Variants in LRRTM4 observed in about 807,000 individuals in gnomAD.
LRRTM4 encodes the protein leucine-rich repeat transmembrane neuronal protein 4.
A neutral mutation model predicts 47.6 loss-of-function variants in LRRTM4; 25 were observed. The observed-to-expected ratio is 0.53, with a 90% CI of 0.38 to 0.73. LRRTM4 has a LOEUF of 0.73. Ranked by LOEUF, LRRTM4 falls within the 30% of genes least tolerant of loss-of-function variation. The probability of loss-of-function intolerance (pLI) is 0.00; values close to 1 mark genes in which losing one functional copy is unlikely to be tolerated. For missense variants in LRRTM4, 638 were observed against 713.4 expected (o/e 0.89, Z 1.20); for synonymous variants, 311 against 269.5 (o/e 1.15, Z -1.51).
At position 76,942,157 on chromosome 2, in the gene LRRTM4, GT is replaced by G. The variant is rs575221976; in HGVS notation, c.1552-193242del. Among the ~76,000 whole-genome samples the G allele has an allele frequency of 4.4e-4, 66 of 150,914 alleles. No individual in the cohort carries two copies. The Middle Eastern group carries it at 0.014, about 31-fold the overall frequency. On this transcript the variant is annotated intron_variant, in intron 3 of 3. Coordinates refer to ENST00000409884, the MANE Select transcript of LRRTM4 (RefSeq NM_001134745.3). Reference sequence around the variant, plus strand: ...TATCCTTTGCCCACTTTTTGGTGGTGTTTTTTTTTCTTGTAAATTTGTTTAA... The same window carrying G: ...TATCCTTTGCCCACTTTTTGGTGGTGTTTTTTTTCTTGTAAATTTGTTTAA...
intron 3 of LRRTM4, among the ~76,000 whole-genome samples, chr2:76,945,656 C>CA (rs1429611745): frequency 6.6e-6 from 1 of 151,388 alleles, no homozygotes; most frequent in Admixed American, 6.6e-5. Context: ...AATTCAAGAA[C>CA]AAAAAGAAAA....
At chr2:77,344,303 T>C (rs1330265330) in intron 3 of LRRTM4, among the ~76,000 whole-genome samples, 1 of 151,754 alleles carries the variant, frequency 6.6e-6, no homozygotes, top group Non-Finnish European at 1.5e-5. Flanking sequence ...TAAACAGCCA[T>C]TACAATGATG....
intron 3 of LRRTM4, among the ~76,000 whole-genome samples, chr2:77,326,736 C>T (rs1402231071): frequency 6.6e-6 from 1 of 152,166 alleles, no homozygotes; most frequent in Non-Finnish European, 1.5e-5. Context: ...TTACTCCTCT[C>T]ATCATCTCTA....
At chr2:77,209,440 CAAAA>C (rs1674231909) in intron 3 of LRRTM4, among the ~76,000 whole-genome samples, 1 of 147,504 alleles carries the variant, frequency 6.8e-6, no homozygotes, top group Admixed American at 6.7e-5. Context: ...AAAAAAAAAA[CAAAA>C]AACCAACCAA....
intron 3 of LRRTM4, among the ~76,000 whole-genome samples, chr2:77,232,117 C>T (rs1674981363): frequency 1.3e-5 from 2 of 152,100 alleles, no homozygotes; most frequent in Non-Finnish European, 2.9e-5. Flanking sequence ...TCCAGGAGGG[C>T]ACACATTGGG....
intron 3 of LRRTM4, among the ~76,000 whole-genome samples, chr2:76,980,137 C>T (rs1433455099): frequency 6.6e-6 from 1 of 152,046 alleles, no homozygotes; most frequent in Non-Finnish European, 1.5e-5. Context: ...CCATGTTCTT[C>T]TGTGCAGATG....
At chr2:76,844,422 A>G (rs1331229241) in intron 3 of LRRTM4, among the ~76,000 whole-genome samples, 4 of 152,190 alleles carry the variant, frequency 2.6e-5, no homozygotes, top group Non-Finnish European at 5.9e-5. Context: ...GGTGTGAGCC[A>G]CCGTGCCTGG....
intron 3 of LRRTM4, among the ~76,000 whole-genome samples, chr2:77,068,819 T>C (rs951812864): frequency 3.9e-5 from 6 of 152,230 alleles, no homozygotes; most frequent in Admixed American, 6.5e-5. Flanking sequence ...AACATGTTCA[T>C]GATGGCCATA....
At chr2:77,474,386 A>G (rs1442129915) in intron 3 of LRRTM4, among the ~76,000 whole-genome samples, 1 of 151,972 alleles carries the variant, frequency 6.6e-6, no homozygotes, top group African/African-American at 2.4e-5. Context: ...AGACATTTAT[A>G]TGGCTTTCTG....
intron 3 of LRRTM4, among the ~76,000 whole-genome samples, chr2:77,214,652 C>A (rs984511768): frequency 6.6e-6 from 1 of 150,608 alleles, no homozygotes; most frequent in Non-Finnish European, 1.5e-5. Flanking sequence ...TCCTTAAGTA[C>A]AATAGGAAGA....
intron 3 of LRRTM4, among the ~76,000 whole-genome samples, chr2:77,182,465 T>C (rs995661117): frequency 2.0e-5 from 3 of 152,000 alleles, no homozygotes; most frequent in Non-Finnish European, 4.4e-5. Context: ...GATGGATCAA[T>C]AGGTGCAGCA....
chr2:77,113,506 G>A (rs1572974904), intron 3 of LRRTM4, among the ~76,000 whole-genome samples: 1 of 152,310 alleles, frequency 6.6e-6, no homozygotes, highest in African/African-American at 2.4e-5. Flanking sequence ...TTGTGTTGGC[G>A]TAATAAGAGT....
intron 3 of LRRTM4, among the ~76,000 whole-genome samples, chr2:77,178,854 C>A (rs976131340): frequency 6.6e-6 from 1 of 152,026 alleles, no homozygotes; most frequent in Non-Finnish European, 1.5e-5. Flanking sequence ...AATTTTAAAA[C>A]GTGATTCATA....
rs868710026 is a variant in LRRTM4 at position 77,488,422 on chromosome 2, C to T, written c.1551+29896G>A. Among the ~76,000 whole-genome samples, 13 of 152,264 alleles carry T rather than the reference C, an allele frequency of 8.5e-5. No homozygotes were observed. The South Asian group carries it at 1.7e-3, about 19-fold the overall frequency. On this transcript the variant is annotated intron_variant, in intron 3 of 3. Transcript: ENST00000409884. The stretch of plus-strand genomic sequence containing the variant: ...CCACACCTGACTCACTCTTGGCAGG[C>T]GTGAGATCAGTGCCAGTAGCGTGAG...
chr2:77,055,925 T>C (rs1000351739), intron 3 of LRRTM4, among the ~76,000 whole-genome samples: 1 of 150,526 alleles, frequency 6.6e-6, no homozygotes, highest in African/African-American at 2.5e-5. Context: ...TCATTCTCAG[T>C]AAACTATTGC....
chr2:77,004,762 G>T (rs1460253591), intron 3 of LRRTM4, among the ~76,000 whole-genome samples: 1 of 152,140 alleles, frequency 6.6e-6, no homozygotes, highest in African/African-American at 2.4e-5. Context: ...CAGCCAGGAG[G>T]GTGGCCGAAT....
intron 3 of LRRTM4, among the ~76,000 whole-genome samples, chr2:77,389,996 A>G (rs946497154): frequency 1.3e-5 from 2 of 152,046 alleles, no homozygotes; most frequent in African/African-American, 4.8e-5. Context: ...CCATGACCTT[A>G]AAGGAATACT....
At chr2:77,260,374 C>CGTGTGTGTGT (rs58758948) in intron 3 of LRRTM4, among the ~76,000 whole-genome samples, 20 of 140,500 alleles carry the variant, frequency 1.4e-4, no homozygotes, top group African/African-American at 3.7e-4. Flanking sequence ...ACCAAAAAAT[C>CGTGTGTGTGT]GTGTGTGTGT....
chr2:76,812,167 G>C (rs2103823691), intron 3 of LRRTM4, among the ~76,000 whole-genome samples: 1 of 152,160 alleles, frequency 6.6e-6, no homozygotes, highest in East Asian at 1.9e-4. Context: ...AAGCCTTTGA[G>C]GTCTGGAAGG....
Sources: gnomAD v4.1 joint callset for allele counts (sites outside exome capture counted in the v4.1 genomes callset) on GRCh38, gnomAD v4.1.1 for gene constraint, MANE v1.5 for transcripts, NCBI Gene and HGNC (gene_info 2026-07-23, HGNC 2026-07-21) for gene names.